Variants in PDXDC1 observed in about 807,000 individuals in gnomAD.
PDXDC1 encodes the protein pyridoxal dependent decarboxylase domain containing 1.
Under a neutral mutation model 100.1 loss-of-function variants are expected in PDXDC1, and 42 were observed. The observed-to-expected ratio is 0.42, with a 90% CI of 0.33 to 0.54. The LOEUF is 0.54. Ranked by LOEUF, PDXDC1 falls within the 20% of genes least tolerant of loss-of-function variation. The pLI is 0.10. For missense variants in PDXDC1, 636 were observed against 979.2 expected (o/e 0.65, Z 4.68); for synonymous variants, 260 against 371.7 (o/e 0.70, Z 3.46).
chr16:15,052,148 C>G (rs751565629), intron 16 of PDXDC1, among the ~76,000 whole-genome samples: 3 of 152,092 alleles, frequency 2.0e-5, no homozygotes, highest in Non-Finnish European at 4.4e-5. Context: ...TCTACAAGGC[C>G]GCAGTCTCTG....
Position 15,111,349 on chromosome 16 carries a change from G to A in PDXDC1, c.1400-27530G>A, listed in dbSNP as rs1340215932. The stretch of plus-strand genomic sequence containing the variant: ...TGCATGCCTGTAATCCCAGCTAGTC[G>A]GGAGGCTGAGGCAGGAGAATCACTT... On this transcript the variant is annotated intron_variant, in intron 16 of 16. Transcript: ENST00000535621. Among the ~76,000 whole-genome samples, 4 of 147,286 alleles carry A rather than the reference G, an allele frequency of 2.7e-5. 1 individual carries two copies. The highest frequency in any genetic ancestry group is 4.4e-4 in the South Asian group (2 of 4,544).
intron 16 of PDXDC1, chr16:15,131,732 C>T (rs1485985837): frequency 1.8e-5 from 24 of 1,327,580 alleles, no homozygotes; most frequent in Non-Finnish European, 2.2e-5. Flanking sequence ...GAGGTCAGTG[C>T]AGAGACAGGG....
At chr16:15,028,795 G>GGGAAT (rs2042826718) in intron 14 of PDXDC1, 83 bp from the exon 15 acceptor site, 1 of 1,300,628 alleles carries the variant, frequency 7.7e-7, no homozygotes, top group Admixed American at 2.0e-5. Flanking sequence ...ATATTGGGAT[G>GGGAAT]GGAATGATGT....
chr16:15,028,953 C>G lies in PDXDC1; in HGVS notation c.1280C>G (p.Ala427Gly). ...GGCCGGGAGAGGCACTCGTGTGACGCGCTGAATCGCTGGGTGAGAATGGCA... is the reference window on the plus strand; with the variant it reads ...GGCCGGGAGAGGCACTCGTGTGACGGGCTGAATCGCTGGGTGAGAATGGCA... ...GVGRERHSCD[A>G]LNRWLGEQLK... Residue 427 changes from alanine (A) to glycine (G), a missense_variant, in exon 15 of 23, where the codon GCG becomes GGG. Coordinates refer to ENST00000396410, the MANE Select transcript of PDXDC1 (RefSeq NM_015027.4). 1 of 1,613,052 alleles carries G rather than the reference C, an allele frequency of 6.2e-7. No individual in the cohort carries two copies. The highest frequency in any genetic ancestry group is 8.5e-7 in the Non-Finnish European group (1 of 1,179,932).
rs1465780025 is a variant in PDXDC1 at position 15,034,341 on chromosome 16, A to C, written c.1868A>C (p.Glu623Ala). 4 of 1,613,352 alleles carry C rather than the reference A, an allele frequency of 2.5e-6. No individual in the cohort carries two copies. In the African/African-American group the frequency reaches 5.3e-5, roughly 22 times the overall value. Residue 623 changes from glutamate to alanine, a missense_variant, in exon 20 of 23, where the codon GAG (glutamate) becomes GCG (alanine). Around this residue, in one of 4 missense-constraint regions of PDXDC1, gnomAD observed 452 missense variants for 402.9 expected, o/e 1.12. Coordinates refer to ENST00000396410, the MANE Select transcript of PDXDC1 (RefSeq NM_015027.4). ...VRKGIQEAQV[E>A]LQKASEERLL... Reference sequence around the variant, plus strand: ...AAAGGCATTCAGGAAGCTCAAGTGGAGCTGCAGAAGGCAAGTGAAGAACGG... The same window carrying C: ...AAAGGCATTCAGGAAGCTCAAGTGGCGCTGCAGAAGGCAAGTGAAGAACGG...
intron 16 of PDXDC1, chr16:15,104,625 T>C: frequency 6.3e-7 from 1 of 1,598,212 alleles, no homozygotes; most frequent in African/African-American, 1.3e-5. Context: ...GCTCAGGGAG[T>C]TATCAGTTAT....
intron 17 of PDXDC1, 193 bp from the exon 18 acceptor site, chr16:15,032,668 A>AAAAAAAAAAAAAAAATG: frequency 2.7e-6 from 1 of 374,106 alleles, no homozygotes; most frequent in East Asian, 5.9e-5. Context: ...AAAAAAAAAA[A>AAAAAAAAAAAAAAAATG]AGGCTTTCCT....
chr16:15,147,861 G>C, the PDXDC1 span, among the ~76,000 whole-genome samples: 10 of 152,006 alleles, frequency 6.6e-5, 1 homozygote, highest in East Asian at 3.9e-4. Context: ...GCTAATTTTT[G>C]TATTTTTAGT....
At chr16:15,084,465 A>G (rs1459470518) in intron 16 of PDXDC1, among the ~76,000 whole-genome samples, 4 of 152,238 alleles carry the variant, frequency 2.6e-5, no homozygotes, top group Non-Finnish European at 5.9e-5. Context: ...ATTAAAGAGA[A>G]TAAATAGAAA....
chr16:15,149,599 A>T, the PDXDC1 span, among the ~76,000 whole-genome samples: 1 of 151,954 alleles, frequency 6.6e-6, no homozygotes, highest in Admixed American at 6.6e-5. Context: ...CTGTCCCTAC[A>T]CTCTCCCACA....
intron 1 of PDXDC1, among the ~76,000 whole-genome samples, chr16:14,985,281 C>CT (rs769346480): frequency 0.19 from 22,194 of 114,984 alleles, 536 homozygotes; most frequent in Non-Finnish European, 0.27. Flanking sequence ...TGATAAACAA[C>CT]TTTTTTTTTT....
intron 16 of PDXDC1, chr16:15,131,280 G>A (rs1388271315): frequency 2.3e-5 from 36 of 1,581,374 alleles, no homozygotes; most frequent in South Asian, 1.1e-4. Context: ...CCAGCCGCTC[G>A]ATGGGGATCT....
intron 16 of PDXDC1, among the ~76,000 whole-genome samples, chr16:15,085,137 C>G (rs2045867430): frequency 6.6e-6 from 1 of 152,120 alleles, no homozygotes; most frequent in South Asian, 2.1e-4. Context: ...AATAATTTAT[C>G]AGAGAAATAA....
intron 16 of PDXDC1, chr16:15,127,054 T>C: frequency 2.8e-6 from 1 of 351,062 alleles, no homozygotes; most frequent in Non-Finnish European, 5.6e-6. Flanking sequence ...TCCTGAAGTG[T>C]TGGGATTATA....
intron 11 of PDXDC1, among the ~76,000 whole-genome samples, chr16:15,018,039 C>T (rs1300407176): frequency 2.0e-5 from 3 of 152,070 alleles, no homozygotes; most frequent in African/African-American, 2.4e-5. Flanking sequence ...CTGCCTGCCT[C>T]GGCCTCCCAA....
intron 18 of PDXDC1, 106 bp from the exon 19 acceptor site, chr16:15,033,172 A>C (rs964977693): frequency 1.7e-5 from 21 of 1,271,138 alleles, no homozygotes; most frequent in Non-Finnish European, 2.3e-5. Flanking sequence ...ATCTCCATGG[A>C]GGAGACCCCT....
chr16:15,042,262 C>T (rs957324974), downstream of PDXDC1, among the ~76,000 whole-genome samples: 4 of 148,960 alleles, frequency 2.7e-5, no homozygotes, highest in Non-Finnish European at 5.9e-5. Context: ...CTCTGCTCAT[C>T]GCAGTCTCCA....
intron 16 of PDXDC1, chr16:15,127,144 A>G (rs970680352): frequency 4.3e-5 from 16 of 371,756 alleles, no homozygotes; most frequent in Middle Eastern, 9.4e-4. Context: ...CTATAGACGT[A>G]CTGAGATTTT....
In PDXDC1 at chr16:15,024,339, A is replaced by G. The variant is rs551233888; in HGVS notation, c.1140+1585A>G. On this transcript the variant is annotated intron_variant, in intron 13 of 22. Coordinates refer to ENST00000396410, the MANE Select transcript of PDXDC1 (RefSeq NM_015027.4). Reference sequence around the variant, plus strand: ...TGAATTATTTCATTTAACCCTCCCAACAGTCTCCTTTGTATGTGCTGTTCT... The same window carrying G: ...TGAATTATTTCATTTAACCCTCCCAGCAGTCTCCTTTGTATGTGCTGTTCT... Among the ~76,000 whole-genome samples, 14 of 151,938 alleles carry G rather than the reference A, an allele frequency of 9.2e-5. No homozygotes were observed. In the South Asian group the frequency reaches 2.5e-3, roughly 27 times the overall value.
Sources: allele counts gnomAD v4.1 joint callset (sites outside exome capture counted in the v4.1 genomes callset), GRCh38; gene constraint gnomAD v4.1.1; regional missense constraint gnomAD v4.1.1; transcripts MANE v1.5; gene names NCBI Gene and HGNC (gene_info 2026-07-23, HGNC 2026-07-21).